The following CENPE variants were observed in gnomAD, a reference collection of about 807,000 sequenced individuals.
CENPE encodes the protein centromere-associated protein E.
A neutral mutation model predicts 336.1 loss-of-function variants in CENPE; 145 were observed. The ratio of observed to expected loss-of-function variants is 0.43; its 90% confidence interval spans 0.38 to 0.50. The LOEUF (loss-of-function observed/expected upper bound fraction) is 0.50. Among genes scored for constraint, CENPE ranks in the 20% least tolerant of loss-of-function variants. The probability of loss-of-function intolerance (pLI) is 0.00; values close to 1 mark genes in which losing one functional copy is unlikely to be tolerated. For synonymous variants in CENPE, 1,013 were observed against 984.8 expected (o/e 1.03, Z -0.54); for missense variants, 2,719 against 3,023.3 (o/e 0.90, Z 2.36).
intron 24 of CENPE, among the ~76,000 whole-genome samples, chr4:103,154,716 G>C (rs1285048785): frequency 1.3e-5 from 2 of 151,938 alleles, no homozygotes; most frequent in Non-Finnish European, 2.9e-5. Context: ...CCACAGTTAT[G>C]AATAAAATCT....
intron 29 of CENPE, 109 bp downstream of exon 29, chr4:103,147,246 TA>T (rs893454990): frequency 9.2e-6 from 9 of 976,014 alleles, no homozygotes; most frequent in East Asian, 5.1e-5. Flanking sequence ...TAAGAGACAT[TA>T]AAAAAACTGG....
chr4:103,184,111 A>C (rs768536438), intron 9 of CENPE, among the ~76,000 whole-genome samples: 1 of 152,234 alleles, frequency 6.6e-6, no homozygotes, highest in African/African-American at 2.4e-5. Flanking sequence ...GTTATTTCAC[A>C]GGTGCATTAA....
chr4:103,176,689 A>T (rs1755896532), intron 14 of CENPE, among the ~76,000 whole-genome samples: 1 of 152,174 alleles, frequency 6.6e-6, no homozygotes, highest in Non-Finnish European at 1.5e-5. Flanking sequence ...CCTCCCAAGT[A>T]GCCGGGATTA....
chr4:103,156,411 G>A (rs559990941), intron 24 of CENPE, among the ~76,000 whole-genome samples: 2 of 152,182 alleles, frequency 1.3e-5, no homozygotes, highest in East Asian at 1.9e-4. Context: ...AGAATAGAAA[G>A]ACCAGAAATT....
At chr4:103,162,625 T>C (rs1578638255) in intron 18 of CENPE, among the ~76,000 whole-genome samples, 1 of 151,234 alleles carries the variant, frequency 6.6e-6, no homozygotes, top group South Asian at 2.1e-4. Context: ...CAGGCTGGAG[T>C]GCAATGGCAT....
chr4:103,151,217 A>C lies in CENPE; in HGVS notation c.3396+2T>G. 1 of 1,584,902 alleles carries C rather than the reference A, an allele frequency of 6.3e-7. No individual in the cohort carries two copies. Among genetic ancestry groups the C allele is most frequent in the Non-Finnish European group, 8.5e-7 (1 of 1,173,126 alleles). On this transcript the variant is annotated splice_donor_variant, in intron 26 of 48. Coordinates refer to ENST00000265148, the MANE Select transcript of CENPE (RefSeq NM_001813.3). LOFTEE classifies it high-confidence loss of function. ...GCCAGGGAAATAACTTTAAAAATTCACCTTTTCCTTTAGTTTTTCTTCAAC... is the reference window on the plus strand; with the variant it reads ...GCCAGGGAAATAACTTTAAAAATTCCCCTTTTCCTTTAGTTTTTCTTCAAC...
chr4:103,183,597 A>AT (rs967564935), intron 9 of CENPE, among the ~76,000 whole-genome samples: 18 of 152,210 alleles, frequency 1.2e-4, no homozygotes, highest in Admixed American at 3.9e-4. Flanking sequence ...GTTCAAATCA[A>AT]TTTTTTTCCA....
At chr4:103,167,247 C>T (rs1404028452) in intron 16 of CENPE, among the ~76,000 whole-genome samples, 4 of 152,048 alleles carry the variant, frequency 2.6e-5, no homozygotes, top group Non-Finnish European at 5.9e-5. Flanking sequence ...TAGGAAACTG[C>T]TGTGCTCTAG....
chr4:103,156,778 C>T (rs949160948), intron 24 of CENPE, among the ~76,000 whole-genome samples: 1 of 151,822 alleles, frequency 6.6e-6, no homozygotes, highest in Non-Finnish European at 1.5e-5. Context: ...ATACAATCAA[C>T]AGAGTAAAAA....
chr4:103,197,591 A>G (rs1393708930), intron 1 of CENPE, among the ~76,000 whole-genome samples: 1 of 152,246 alleles, frequency 6.6e-6, no homozygotes, highest in Non-Finnish European at 1.5e-5. Context: ...TCTCACACAC[A>G]CAAAGTGTTA....
chr4:103,172,139 C>A (rs1347178905), intron 16 of CENPE, among the ~76,000 whole-genome samples: 1 of 151,682 alleles, frequency 6.6e-6, no homozygotes, highest in African/African-American at 2.4e-5. Flanking sequence ...TACACTGATA[C>A]CAAAAATAGA....
Position 103,159,146 on chromosome 4 carries a change from A to G in CENPE, c.2465T>C (p.Phe822Ser), listed in dbSNP as rs373406773. ...CTCAAAGTCCATATGAAGGGTTTTG[A>G]AATTTTGGAATTCTTGATCAGTGCT... ...YKSTDQEFQN[F>S]KTLHMDFEQK... Residue 822 changes from phenylalanine to serine, a missense_variant, in exon 22 of 49, where the codon TTC becomes TCC. By Grantham distance (155) the Phe-to-Ser change is radical (BLOSUM62 -2). This residue lies in a region of CENPE where 2,437 missense variants were observed against 2,513.3 expected (regional missense o/e 0.97). Transcript: ENST00000265148. 6.2e-7 allele frequency: 1 copy of G among 1,609,998 alleles called. No individual in the cohort carries two copies. Among genetic ancestry groups the G allele is most frequent in the Middle Eastern group, 1.7e-4 (1 of 6,036 alleles).
At chr4:103,128,934 T>C (rs188632405) in intron 42 of CENPE, among the ~76,000 whole-genome samples, 3 of 152,192 alleles carry the variant, frequency 2.0e-5, no homozygotes, top group African/African-American at 7.2e-5. Context: ...ACTGGTTCTT[T>C]GAAAAGATCA....
chr4:103,183,015 A>G, intron 10 of CENPE, 124 bp from the exon 11 acceptor site: 1 of 1,045,556 alleles, frequency 9.6e-7, no homozygotes, highest in Non-Finnish European at 1.4e-6. Flanking sequence ...AAGTTATATG[A>G]GGCAGATTAA....
intron 1 of CENPE, 89 bp downstream of exon 1, chr4:103,198,175 G>T (rs1757884318): frequency 6.2e-6 from 8 of 1,292,506 alleles, no homozygotes; most frequent in Non-Finnish European, 8.6e-6. Flanking sequence ...GGAAGCAGCG[G>T]CTCCTGGAAA....
rs59305096 is a variant in CENPE at position 103,130,911 on chromosome 4, GA to G, written c.6924+1781del. 3.7e-3 allele frequency among the ~76,000 whole-genome samples: 390 copies of G among 106,818 alleles called. 3 individuals carry two copies. Among genetic ancestry groups the G allele is most frequent in the South Asian group, 0.01 (35 of 3,390 alleles). The allele number at this position is 106,818 out of a possible 152,430, so 70.1% of individuals were successfully genotyped here. ...GTGCTGAATCTGGACTTCTACAAGCGAAAAAAAAAAAAAAAAGACCTTAAGA... is the reference window on the plus strand; with the variant it reads ...GTGCTGAATCTGGACTTCTACAAGCGAAAAAAAAAAAAAAAGACCTTAAGA... On this transcript the variant is annotated intron_variant, in intron 42 of 48. Transcript: ENST00000265148.
In CENPE at chr4:103,140,085, G is replaced by A. The variant is rs373047003; in HGVS notation, c.5914-6C>T. On this transcript the variant is annotated splice_region_variant and splice_polypyrimidine_tract_variant and intron_variant, in intron 37 of 48. Coordinates refer to ENST00000265148, the MANE Select transcript of CENPE (RefSeq NM_001813.3). ...TTTTTCTGAAGTTCTTGGATCTTGA[G>A]ATAATTGTAAAACAAGTTAGAATGT... 1.9e-6 allele frequency: 3 copies of A among 1,592,086 alleles called. No homozygotes were observed. The highest frequency in any genetic ancestry group is 1.7e-6 in the Non-Finnish European group (2 of 1,171,290).
chr4:103,191,542 G>T (rs376506485), intron 8 of CENPE, among the ~76,000 whole-genome samples: 35 of 149,918 alleles, frequency 2.3e-4, no homozygotes, highest in African/African-American at 8.1e-4. Context: ...GCAAACTATC[G>T]CAAGGACAAA....
chr4:103,150,451 A>G (rs1233516454), intron 26 of CENPE, among the ~76,000 whole-genome samples: 1 of 151,922 alleles, frequency 6.6e-6, no homozygotes, highest in Non-Finnish European at 1.5e-5. Flanking sequence ...GTGTTGTGGC[A>G]CAGCTAATTT....
Sources: gnomAD v4.1 joint callset for allele counts (sites outside exome capture counted in the v4.1 genomes callset) on GRCh38, gnomAD v4.1.1 for gene constraint, gnomAD v4.1.1 regional missense constraint, MANE v1.5 for transcripts, NCBI Gene and HGNC (gene_info 2026-07-23, HGNC 2026-07-21) for gene names.